GRB10: variants seen among roughly 807,000 people sequenced by gnomAD.
GRB10 encodes the protein growth factor receptor bound protein 10, also known as growth factor receptor-bound protein 10.
In GRB10, 20 loss-of-function variants were observed where a neutral mutation model predicts 80.9. The observed-to-expected ratio is 0.25, with a 90% CI of 0.17 to 0.36. The LOEUF is 0.36. GRB10 is among the 10% of genes least tolerant of loss of function. The pLI is 1.00. For missense variants in GRB10, 548 were observed against 747.7 expected, an observed-to-expected ratio of 0.73 and a Z score of 3.12; for synonymous variants, 291 against 291.5, an observed-to-expected ratio of 1.00 and a Z score of 0.02.
At chr7:50,722,626 G>C (rs1424390081) in intron 4 of GRB10, among the ~76,000 whole-genome samples, 1 of 152,164 alleles carries the variant, frequency 6.6e-6, no homozygotes, top group East Asian at 1.9e-4. Context: ...GCGAGCCAGG[G>C]TGACAGGGCC....
intron 4 of GRB10, among the ~76,000 whole-genome samples, chr7:50,718,149 C>T (rs1041628426): frequency 5.9e-5 from 9 of 152,164 alleles, no homozygotes; most frequent in African/African-American, 1.9e-4. Context: ...CTGTGTCCAG[C>T]AGGAAGGAAG....
At chr7:50,638,036 G>A (rs2055407347) in intron 7 of GRB10, among the ~76,000 whole-genome samples, 1 of 152,128 alleles carries the variant, frequency 6.6e-6, no homozygotes, top group African/African-American at 2.4e-5. Flanking sequence ...AACATCTACA[G>A]GAAATTTTAG....
chr7:50,659,145 AGGTAGG>A (rs1221319806), intron 7 of GRB10, among the ~76,000 whole-genome samples: 1 of 152,224 alleles, frequency 6.6e-6, no homozygotes, highest in Admixed American at 6.5e-5. Context: ...TTGAGTGAAT[AGGTAGG>A]TTTTCTTTTT....
At chr7:50,629,041 C>G (rs1006674670) in intron 7 of GRB10, among the ~76,000 whole-genome samples, 17 of 152,252 alleles carry the variant, frequency 1.1e-4, no homozygotes, top group Admixed American at 5.2e-4. Context: ...AATATGCTAA[C>G]CATCATAGGG....
At chr7:50,631,108 C>T (rs558036126) in intron 7 of GRB10, among the ~76,000 whole-genome samples, 1 of 152,290 alleles carries the variant, frequency 6.6e-6, no homozygotes, top group African/African-American at 2.4e-5. Context: ...TCAGGCCCCT[C>T]CTTGCTGTCA....
chr7:50,770,957 C>G (rs187276664), intron 2 of GRB10, among the ~76,000 whole-genome samples: 1 of 152,076 alleles, frequency 6.6e-6, no homozygotes, highest in Non-Finnish European at 1.5e-5. Flanking sequence ...AGTGTCAAGG[C>G]GCCCTAGGAC....
chr7:50,619,322 G>T, intron 8 of GRB10, 37 bp from the exon 9 acceptor site: 1 of 1,217,688 alleles, frequency 8.2e-7, no homozygotes, highest in Non-Finnish European at 1.2e-6. Flanking sequence ...GACGCAACAG[G>T]TGGGAAATTC....
upstream of GRB10, chr7:50,783,030 C>G (rs569120293): frequency 6.6e-6 from 1 of 152,572 alleles, no homozygotes; most frequent in Admixed American, 6.5e-5. Flanking sequence ...TCTCCTCCCC[C>G]ACAGCCCCCC....
At chr7:50,789,364 C>T (rs983955849) in intron 1 of GRB10, among the ~76,000 whole-genome samples, 30 of 152,212 alleles carry the variant, frequency 2.0e-4, no homozygotes, top group African/African-American at 7.2e-4. Flanking sequence ...ATGAGCTCTG[C>T]ATCGTGCCAA....
rs1562602813 is a variant in GRB10, at chr7:50,749,136, T to TTTTTC, written c.-47+6750_-47+6751insGAAAA. On this transcript the variant is annotated intron_variant, in intron 3 of 18. Transcript: ENST00000401949. ...TGTTTTGTTTTGTTTTTTTGTTTGTTTTTTTTTTTTGAGATGGAGTCTCAC... is the reference window on the plus strand; with the variant it reads ...TGTTTTGTTTTGTTTTTTTGTTTGTTTTTTCTTTTTTTTTTGAGATGGAGTCTCAC... Among the ~76,000 whole-genome samples, 3 of 146,646 alleles carry TTTTTC rather than the reference T, an allele frequency of 2.0e-5. No homozygotes were observed. In the East Asian group the frequency reaches 5.9e-4, roughly 29 times the overall value.
intron 6 of GRB10, among the ~76,000 whole-genome samples, chr7:50,673,933 T>C (rs965029634): frequency 2.6e-5 from 4 of 152,128 alleles, no homozygotes; most frequent in Non-Finnish European, 1.5e-5. Context: ...CCCCAGCACG[T>C]TCCTCCCTCC....
chr7:50,611,697 T>C (rs953365974), intron 13 of GRB10, among the ~76,000 whole-genome samples: 1 of 152,226 alleles, frequency 6.6e-6, no homozygotes, highest in Non-Finnish European at 1.5e-5. Context: ...GAATTGGATC[T>C]GCAGCACCTC....
intron 17 of GRB10, among the ~76,000 whole-genome samples, chr7:50,599,499 C>T (rs2047233418): frequency 6.6e-6 from 1 of 152,220 alleles, no homozygotes; most frequent in Non-Finnish European, 1.5e-5. Context: ...TGAGCTGTTC[C>T]TGTGTTAACG....
At chr7:50,697,159 T>C (rs1292067709) in intron 5 of GRB10, among the ~76,000 whole-genome samples, 1 of 152,210 alleles carries the variant, frequency 6.6e-6, no homozygotes, top group East Asian at 1.9e-4. Flanking sequence ...GGAGAATTAT[T>C]GCTTAATGGG....
At chr7:50,602,583 A>C (rs1682129148) in intron 17 of GRB10, among the ~76,000 whole-genome samples, 1 of 152,270 alleles carries the variant, frequency 6.6e-6, no homozygotes, top group Non-Finnish European at 1.5e-5. Context: ...GTTTAAAAAA[A>C]TAGAAGAAAA....
In GRB10 at chr7:50,605,383, G is replaced by T. The variant is rs369436717; in HGVS notation, c.1296C>A (p.Leu432=). The T allele has an allele frequency of 6.2e-7, 1 of 1,614,064 alleles. No individual in the cohort carries two copies. The change falls in exon 15 of 19, where the codon CTC becomes CTA. Residue 432 remains leucine, a synonymous_variant. Coordinates refer to ENST00000401949, the MANE Select transcript of GRB10 (RefSeq NM_001350814.2). ...TTTGCCCAGAAAAATCCATTGCCACGAGGGAGTTCTCGGAGACACTGCGCT... is the reference window on the plus strand; with the variant it reads ...TTTGCCCAGAAAAATCCATTGCCACTAGGGAGTTCTCGGAGACACTGCGCT... ...TPVRSVSENS[L]VAMDFSGQTG...
chr7:50,616,718 C>G (rs1398284554), intron 10 of GRB10, among the ~76,000 whole-genome samples: 4 of 152,200 alleles, frequency 2.6e-5, no homozygotes, highest in Non-Finnish European at 5.9e-5. Context: ...CACTTTTACC[C>G]AGGCACCCCT....
rs2075007086 is a variant in GRB10 at position 50,755,883 on chromosome 7, T to C, written c.-47+4A>G. The C allele has an allele frequency of 2.5e-6, 1 of 398,762 alleles. No homozygotes were observed. 24.7% of individuals were successfully genotyped at this position (398,762 alleles called of 1,614,324 possible). On this transcript the variant is annotated splice_donor_region_variant and intron_variant, in intron 3 of 18. Coordinates refer to ENST00000401949, the MANE Select transcript of GRB10 (RefSeq NM_001350814.2). ...TAGTGACTAGTGTCATGCATAGGGC[T>C]TACCTGTCAGGAGTTGGCTCTGTAG...
chr7:50,637,532 T>A (rs537468745), intron 7 of GRB10, among the ~76,000 whole-genome samples: 51 of 152,010 alleles, frequency 3.4e-4, no homozygotes, highest in Non-Finnish European at 6.2e-4. Flanking sequence ...CAAACCCTCA[T>A]GAAAGGAATC....
Sources: allele counts gnomAD v4.1 joint callset (sites outside exome capture counted in the v4.1 genomes callset), GRCh38; gene constraint gnomAD v4.1.1; transcripts MANE v1.5; gene names NCBI Gene and HGNC (gene_info 2026-07-23, HGNC 2026-07-21).